PCDHA3: variants seen among roughly 807,000 people sequenced by gnomAD.
PCDHA3 encodes the protein protocadherin alpha 3, also known as protocadherin alpha-3.
A neutral mutation model predicts 62.2 loss-of-function variants in PCDHA3; 41 were observed. That is an observed-to-expected ratio of 0.66 (90% CI 0.51 to 0.86). PCDHA3 has a LOEUF of 0.86. PCDHA3 is among the 40% of genes least tolerant of loss of function. PCDHA3 has a pLI of 0.00. For missense variants in PCDHA3, 1,304 were observed against 1,241.2 expected, an observed-to-expected ratio of 1.05 and a Z score of -0.76; for synonymous variants, 640 against 555.4, an observed-to-expected ratio of 1.15 and a Z score of -2.14.
In PCDHA3 at chr5:140,803,099, C is replaced by G. The variant is rs1254134331; in HGVS notation, c.1902C>G (p.Thr634=). The G allele has an allele frequency of 1.2e-6, 2 of 1,613,874 alleles. No individual in the cohort carries two copies. ...TGTACACGGGAGAGATCAGCACGAC[C>G]CGTGCCCTGGACGAGGTGGACGCCC... ...VGLYTGEIST[T]RALDEVDAPR... The change falls in exon 1 of 4, where the codon ACC becomes ACG. Residue 634 remains threonine, a synonymous_variant. Coordinates refer to ENST00000522353, the MANE Select transcript of PCDHA3 (RefSeq NM_018906.3).
chr5:140,883,297 A>G (rs782572580), intron 1 of PCDHA3: 2 of 1,614,132 alleles, frequency 1.2e-6, no homozygotes, highest in Non-Finnish European at 1.7e-6. Flanking sequence ...TACTAGATGT[A>G]AATGATAACG....
intron 1 of PCDHA3, among the ~76,000 whole-genome samples, chr5:140,892,004 T>A (rs562047314): frequency 6.6e-6 from 1 of 152,364 alleles, no homozygotes; most frequent in East Asian, 1.9e-4. Flanking sequence ...TGGCATTCTG[T>A]TATAGCAGCA....
At chr5:140,853,925 T>C in intron 1 of PCDHA3, 3 of 909,732 alleles carry the variant, frequency 3.3e-6, no homozygotes, top group Non-Finnish European at 4.0e-6. Context: ...TCCCAACATT[T>C]TGGGAGGCCA....
chr5:140,863,415 C>T (rs782613716), intron 1 of PCDHA3: 2 of 737,502 alleles, frequency 2.7e-6, no homozygotes, highest in Admixed American at 1.9e-5. Flanking sequence ...CGCTGGTGTA[C>T]CGCAGCGTAG....
chr5:140,903,966 T>A (rs568850758), intron 1 of PCDHA3, among the ~76,000 whole-genome samples: 1 of 152,360 alleles, frequency 6.6e-6, no homozygotes, highest in Admixed American at 6.5e-5. Context: ...TTTGTTGATT[T>A]TTGGTCTATT....
chr5:140,956,885 T>A (rs1156888418), intron 1 of PCDHA3, among the ~76,000 whole-genome samples: 1 of 152,194 alleles, frequency 6.6e-6, no homozygotes, highest in Non-Finnish European at 1.5e-5. Flanking sequence ...TAGATATCAA[T>A]GAATGAATAT....
chr5:140,877,521 AG>A, intron 1 of PCDHA3: 1 of 1,613,770 alleles, frequency 6.2e-7, no homozygotes, highest in African/African-American at 1.3e-5. Context: ...CGCGGGCCTC[AG>A]TGGGCGCTGT....
chr5:140,982,224 A>G (rs893184323), intron 2 of PCDHA3: 8 of 587,202 alleles, frequency 1.4e-5, no homozygotes, highest in South Asian at 3.8e-5. Flanking sequence ...TGGCGTTAAT[A>G]AAAAACAGAA....
intron 1 of PCDHA3, chr5:140,859,610 T>C (rs2045934130): frequency 6.2e-6 from 1 of 161,780 alleles, no homozygotes; most frequent in African/African-American, 2.4e-5. Context: ...CTTTTTTCTT[T>C]CCTTTCTCTT....
Position 140,803,107 on chromosome 5 carries a change from T to G in PCDHA3, c.1910T>G (p.Leu637Arg), listed in dbSNP as rs950112713. Residue 637 changes from leucine to arginine, a missense_variant, in exon 1 of 4, where the codon CTG (leucine) becomes CGG (arginine). Physicochemically the swap from Leu to Arg is moderately radical, Grantham distance 102 (BLOSUM62 -2). Transcript: ENST00000522353. ...GGAGAGATCAGCACGACCCGTGCCCTGGACGAGGTGGACGCCCCGCGCCAT... is the reference window on the plus strand; with the variant it reads ...GGAGAGATCAGCACGACCCGTGCCCGGGACGAGGTGGACGCCCCGCGCCAT... The part of the protein sequence containing the change: ...YTGEISTTRA[L>R]DEVDAPRHRL... 7 of 1,613,724 alleles carry G rather than the reference T, an allele frequency of 4.3e-6. No individual in the cohort carries two copies. The highest frequency in any genetic ancestry group is 2.2e-5 in the South Asian group (2 of 91,076).
At chr5:140,853,130 C>T in intron 1 of PCDHA3, 1 of 617,250 alleles carries the variant, frequency 1.6e-6, no homozygotes, top group Non-Finnish European at 2.1e-6. Context: ...CCTCCCGCCT[C>T]AGCCTCCCAA....
Position 140,801,205 on chromosome 5 carries a change from TCTC to T in PCDHA3, c.11_13del (p.Ser4del). The T allele has an allele frequency of 6.3e-7, 1 of 1,599,612 alleles. No homozygotes were observed. Among genetic ancestry groups the T allele is most frequent in the Non-Finnish European group, 8.5e-7 (1 of 1,172,770 alleles). ...ATTTGGAAAATACTTGCAATGTTGT[TCTC>T]CTGGCGAGAAGATCCTGGAGCCCAG... On this transcript the variant is annotated inframe_deletion, in exon 1 of 4. Coordinates refer to ENST00000522353, the MANE Select transcript of PCDHA3 (RefSeq NM_018906.3).
chr5:140,870,167 C>A, intron 1 of PCDHA3: 1 of 1,614,134 alleles, frequency 6.2e-7, no homozygotes, highest in East Asian at 2.2e-5. Context: ...ACTTCCTTGT[C>A]CCTCCCAGTA....
Position 140,966,357 on chromosome 5 carries a change from T to A in PCDHA3, c.2395-12592T>A, listed in dbSNP as rs3756326. ...AGGTCCAGGGTGAAGGAGATGGGGCTGGAGAGGCTGAGCAGTCCGGGTTCG... is the reference window on the plus strand; with the variant it reads ...AGGTCCAGGGTGAAGGAGATGGGGCAGGAGAGGCTGAGCAGTCCGGGTTCG... On this transcript the variant is annotated intron_variant, in intron 1 of 3. Coordinates refer to ENST00000522353, the MANE Select transcript of PCDHA3 (RefSeq NM_018906.3). The A allele has an allele frequency of 3.3e-4, 131 of 400,654 alleles. 3 individuals are homozygous for A. Among genetic ancestry groups the A allele is most frequent in the East Asian group, 2.0e-3 (56 of 27,900 alleles). The allele number at this position is 400,654 out of a possible 1,614,324, so 24.8% of individuals were successfully genotyped here.
rs2066634766 is a variant in PCDHA3, at chr5:140,898,278, G to A, written c.2395-80671G>A. The stretch of plus-strand genomic sequence containing the variant: ...AAGTCCTTGCCCATGCCTAAGTTCT[G>A]AATGGTAATGCCTAGGTTTTCTTCT... On this transcript the variant is annotated intron_variant, in intron 1 of 3. Transcript: ENST00000522353. Among the ~76,000 whole-genome samples, 8 of 152,194 alleles carry A rather than the reference G, an allele frequency of 5.3e-5. No individual in the cohort carries two copies. The South Asian group carries it at 1.7e-3, about 31-fold the overall frequency.
chr5:140,897,340 C>T, intron 1 of PCDHA3, among the ~76,000 whole-genome samples: 1 of 122,942 alleles, frequency 8.1e-6, no homozygotes, highest in Non-Finnish European at 1.6e-5. Context: ...CCCCTCCCCC[C>T]ACCCCACAAC....
intron 1 of PCDHA3, chr5:140,808,748 C>T (rs1554124750): frequency 1.2e-6 from 2 of 1,612,178 alleles, no homozygotes; most frequent in Non-Finnish European, 1.7e-6. Context: ...GTACGCGCTG[C>T]AGCCGCTGGA....
chr5:140,863,699 T>C, intron 1 of PCDHA3: 1 of 299,368 alleles, frequency 3.3e-6, no homozygotes, highest in Non-Finnish European at 6.5e-6. Context: ...GATGCTTTAT[T>C]TAAAGTACAC....
In PCDHA3 at chr5:140,835,717, T is replaced by C. The variant is rs1773872619; in HGVS notation, c.2394+32126T>C. The C allele has an allele frequency of 1.9e-6, 3 of 1,613,628 alleles. No individual in the cohort carries two copies. Among genetic ancestry groups the C allele is most frequent in the African/African-American group, 2.7e-5 (2 of 74,884 alleles). On this transcript the variant is annotated intron_variant, in intron 1 of 3. Coordinates refer to ENST00000522353, the MANE Select transcript of PCDHA3 (RefSeq NM_018906.3). ...GCCACTGCTAGCGTGTCCGTGGAGG[T>C]GGCCGACGTGAACGACAACGCCCCG...
Sources: gnomAD v4.1 joint callset for allele counts (sites outside exome capture counted in the v4.1 genomes callset) on GRCh38, gnomAD v4.1.1 for gene constraint, MANE v1.5 for transcripts, NCBI Gene and HGNC (gene_info 2026-07-23, HGNC 2026-07-21) for gene names.